The following SLCO3A1 variants were observed in gnomAD, a reference collection of about 807,000 sequenced individuals.
The protein encoded by SLCO3A1 is PGE1 transporter.
Under a neutral mutation model 63.1 loss-of-function variants are expected in SLCO3A1, and 27 were observed. The ratio of observed to expected loss-of-function variants is 0.43; its 90% confidence interval spans 0.32 to 0.59. The LOEUF (loss-of-function observed/expected upper bound fraction) is 0.59. SLCO3A1 is among the 20% of genes least tolerant of loss of function. The pLI is 0.09. For synonymous variants in SLCO3A1, 473 were observed against 409.9 expected, an observed-to-expected ratio of 1.15 and a Z score of -1.86; for missense variants, 773 against 945.8, an observed-to-expected ratio of 0.82 and a Z score of 2.40.
chr15:92,030,140 C>T (rs891141859), intron 2 of SLCO3A1, among the ~76,000 whole-genome samples: 1 of 152,218 alleles, frequency 6.6e-6, no homozygotes, highest in Admixed American at 6.5e-5. Flanking sequence ...GAATGCGATC[C>T]TCCTGTTGAT....
In SLCO3A1 at chr15:92,032,310, G is replaced by T. The variant is rs1027895150; in HGVS notation, c.647-62571G>T. 3.9e-5 allele frequency among the ~76,000 whole-genome samples: 6 copies of T among 152,118 alleles called. No homozygotes were observed. In the South Asian group the frequency reaches 1.2e-3, roughly 32 times the overall value. ...GTGAGGAGAACTGAACTCTCCCTGG[G>T]AGCATCTAGGGATGCCTCCTTGAGG... On this transcript the variant is annotated intron_variant, in intron 2 of 9. Coordinates refer to ENST00000318445, the MANE Select transcript of SLCO3A1 (RefSeq NM_013272.4).
At chr15:92,157,054 G>GAAATATATATAGCTGCAATT (rs1361996286) in intron 9 of SLCO3A1, 2 of 152,236 alleles carry the variant, frequency 1.3e-5, no homozygotes, top group Non-Finnish European at 2.9e-5. Flanking sequence ...GTTATGCATT[G>GAAATATATATAGCTGCAATT]AAATATATAT....
At position 91,883,854 on chromosome 15, in the gene SLCO3A1, T is replaced by TA. The variant is rs1897658663; in HGVS notation, c.180+29767dup. Reference sequence around the variant, plus strand: ...CCACACCCCGTGCCAGGCACCGTGTTACATGCATTTCTTCTGCTGTCCTTT... The same window carrying TA: ...CCACACCCCGTGCCAGGCACCGTGTTAACATGCATTTCTTCTGCTGTCCTTT... On this transcript the variant is annotated intron_variant, in intron 1 of 9. Coordinates refer to ENST00000318445, the MANE Select transcript of SLCO3A1 (RefSeq NM_013272.4). This position sits in a 1 kb window ranked among gnomAD's most constrained non-coding sequence, Gnocchi z 4.8. 6.6e-6 allele frequency among the ~76,000 whole-genome samples: 1 copy of TA among 152,208 alleles called. No homozygotes were observed. Among genetic ancestry groups the TA allele is most frequent in the Non-Finnish European group, 1.5e-5 (1 of 68,036 alleles).
rs149106576 is a variant in SLCO3A1, at chr15:91,893,782, A to G, written c.181-22211A>G. ...TACTTTTTCTTCTATTTATCCATCT[A>G]TCCATCTATTCGACAAATGTTTGTT... On this transcript the variant is annotated intron_variant, in intron 1 of 9. Coordinates refer to ENST00000318445, the MANE Select transcript of SLCO3A1 (RefSeq NM_013272.4). Among the ~76,000 whole-genome samples the G allele has an allele frequency of 3.2e-3, 483 of 152,288 alleles. 4 individuals carry two copies. The highest frequency in any genetic ancestry group is 0.014 in the Middle Eastern group (4 of 294).
rs1185692954 is a variant in SLCO3A1 at position 91,916,778 on chromosome 15, TC to T, written c.646+321del. 6.6e-6 allele frequency among the ~76,000 whole-genome samples: 1 copy of T among 152,182 alleles called. No homozygotes were observed. On this transcript the variant is annotated intron_variant, in intron 2 of 9. Coordinates refer to ENST00000318445, the MANE Select transcript of SLCO3A1 (RefSeq NM_013272.4). This position sits in a 1 kb window ranked among gnomAD's most constrained non-coding sequence, Gnocchi z 6.2. The stretch of plus-strand genomic sequence containing the variant: ...GAGTGCGTATGTGGACTTTGGGCTT[TC>T]TGATATTAGCCACCAAGGTATACTT...
chr15:92,165,681 TGTC>T lies in SLCO3A1; in HGVS notation c.*2550_*2552del, dbSNP rs2048488469. On this transcript the variant is annotated 3_prime_UTR_variant, in exon 10 of 10. Transcript: ENST00000318445. Reference sequence around the variant, plus strand: ...TGCAGGATGGCTCTGAATTCTGTTGTGTCGTCTTTTAAAATTTTAATTATTCTC... The same window carrying T: ...TGCAGGATGGCTCTGAATTCTGTTGTGTCTTTTAAAATTTTAATTATTCTC... 2 of 985,360 alleles carry T rather than the reference TGTC, an allele frequency of 2.0e-6. No homozygotes were observed. Among genetic ancestry groups the T allele is most frequent in the Non-Finnish European group, 1.2e-6 (1 of 829,858 alleles). 61.0% of individuals were successfully genotyped at this position (985,360 alleles called of 1,614,324 possible).
chr15:91,984,900 A>G (rs909637736), intron 2 of SLCO3A1, among the ~76,000 whole-genome samples: 1 of 152,136 alleles, frequency 6.6e-6, no homozygotes, highest in Non-Finnish European at 1.5e-5. Flanking sequence ...TTGTGTTTGT[A>G]TTATTATCTT....
intron 2 of SLCO3A1, among the ~76,000 whole-genome samples, chr15:92,042,035 G>A (rs542694791): frequency 4.9e-4 from 75 of 152,218 alleles, no homozygotes; most frequent in South Asian, 2.3e-3. Context: ...GTGGAAGCAG[G>A]CAAGAGGTCC....
At chr15:91,987,512 C>G (rs1376203825) in intron 2 of SLCO3A1, among the ~76,000 whole-genome samples, 1 of 152,070 alleles carries the variant, frequency 6.6e-6, no homozygotes, top group Non-Finnish European at 1.5e-5. Context: ...GAGCCTGAGG[C>G]AGGTGGATCA....
intron 2 of SLCO3A1, among the ~76,000 whole-genome samples, chr15:92,005,067 A>G (rs1347156671): frequency 6.6e-6 from 1 of 152,248 alleles, no homozygotes; most frequent in Non-Finnish European, 1.5e-5. Flanking sequence ...AAATGAAAAG[A>G]TTTATGATAT....
intron 1 of SLCO3A1, among the ~76,000 whole-genome samples, chr15:91,906,442 C>T (rs1898311392): frequency 6.6e-6 from 1 of 152,216 alleles, no homozygotes; most frequent in Non-Finnish European, 1.5e-5. Flanking sequence ...TATCCAGCCC[C>T]TGGCATGGTA....
At chr15:92,037,558 C>G (rs1039514530) in intron 2 of SLCO3A1, among the ~76,000 whole-genome samples, 1 of 152,200 alleles carries the variant, frequency 6.6e-6, no homozygotes, top group Non-Finnish European at 1.5e-5. Flanking sequence ...TTAACCTCCA[C>G]CCCCAGCATG....
At chr15:91,880,630 T>C (rs1405938661) in intron 1 of SLCO3A1, among the ~76,000 whole-genome samples, 1 of 120,222 alleles carries the variant, frequency 8.3e-6, no homozygotes, top group Non-Finnish European at 1.8e-5. Flanking sequence ...TTTGAGATTG[T>C]TTTTTTTTTT....
chr15:92,081,852 G>T (rs2047350362), intron 2 of SLCO3A1, among the ~76,000 whole-genome samples: 1 of 152,192 alleles, frequency 6.6e-6, no homozygotes, highest in African/African-American at 2.4e-5. Context: ...CTAGGGATTG[G>T]TGTTTTCTTT....
intron 2 of SLCO3A1, among the ~76,000 whole-genome samples, chr15:92,072,605 A>G (rs1487864214): frequency 6.6e-6 from 1 of 152,238 alleles, no homozygotes; most frequent in Non-Finnish European, 1.5e-5. Flanking sequence ...TCTAAACACC[A>G]TAAATCTGAA....
chr15:91,937,939 G>A (rs974565686), intron 2 of SLCO3A1, among the ~76,000 whole-genome samples: 2 of 152,122 alleles, frequency 1.3e-5, no homozygotes, highest in African/African-American at 2.4e-5. Context: ...TCTACCTTAT[G>A]GGGTTATGAG....
intron 2 of SLCO3A1, among the ~76,000 whole-genome samples, chr15:91,958,588 A>G (rs948518883): frequency 1.3e-5 from 2 of 152,226 alleles, no homozygotes; most frequent in African/African-American, 4.8e-5. Flanking sequence ...CTCAGTATTT[A>G]TTAGCCCTTA....
Position 92,018,940 on chromosome 15 carries a change from G to T in SLCO3A1, c.647-75941G>T, listed in dbSNP as rs539814921. Among the ~76,000 whole-genome samples the T allele has an allele frequency of 5.3e-5, 8 of 152,306 alleles. No individual in the cohort carries two copies. In the South Asian group the frequency reaches 1.7e-3, roughly 32 times the overall value. ...CCCCTGGTGCTGGGCCTGGGACAAG[G>T]TGCCATATGGGGAATTTTTTTCCCC... On this transcript the variant is annotated intron_variant, in intron 2 of 9. Transcript: ENST00000318445.
chr15:92,043,602 C>T (rs2046824565), intron 2 of SLCO3A1, among the ~76,000 whole-genome samples: 1 of 152,234 alleles, frequency 6.6e-6, no homozygotes, highest in African/African-American at 2.4e-5. Context: ...TTTCAATAGG[C>T]TCCATGCATA....
Sources: allele counts gnomAD v4.1 joint callset (sites outside exome capture counted in the v4.1 genomes callset), GRCh38; gene constraint gnomAD v4.1.1; non-coding constraint Gnocchi (gnomAD v3.1); transcripts MANE v1.5; gene names NCBI Gene and HGNC (gene_info 2026-07-23, HGNC 2026-07-21).